The following NBEA variants were observed in gnomAD, a reference collection of about 807,000 sequenced individuals.
NBEA encodes neurobeachin.
NBEA carries 44 observed loss-of-function variants against 343.4 expected under a neutral mutation model. The observed-to-expected ratio is 0.13, with a 90% CI of 0.10 to 0.16. The LOEUF is 0.16. Ranked by LOEUF, NBEA falls within the 10% of genes least tolerant of loss-of-function variation. The probability of loss-of-function intolerance (pLI) is 1.00; values close to 1 mark genes in which losing one functional copy is unlikely to be tolerated. For missense variants in NBEA, 2,555 were observed against 3,631.3 expected (o/e 0.70, Z 7.62); for synonymous variants, 1,175 against 1,238.7 (o/e 0.95, Z 1.08).
intron 35 of NBEA, among the ~76,000 whole-genome samples, chr13:35,292,255 A>G (rs2035850228): frequency 6.6e-6 from 1 of 151,996 alleles, no homozygotes; most frequent in Non-Finnish European, 1.5e-5. Flanking sequence ...GTAAGGACAC[A>G]CATACCAAAA....
At chr13:35,574,380 C>CAAAAAAA (rs1313695369) in intron 45 of NBEA, among the ~76,000 whole-genome samples, 7 of 124,760 alleles carry the variant, frequency 5.6e-5, no homozygotes, top group Admixed American at 8.1e-5. Flanking sequence ...TATACACTAT[C>CAAAAAAA]AAAAAAAAAG....
chr13:35,064,456 A>G (rs1340822578), intron 8 of NBEA, among the ~76,000 whole-genome samples: 2 of 152,138 alleles, frequency 1.3e-5, no homozygotes, highest in African/African-American at 4.8e-5. Flanking sequence ...TACATAAAGA[A>G]CAGTCTCAGA....
chr13:35,649,556 G>A (rs1271601485), intron 51 of NBEA, 99 bp from the exon 52 acceptor site: 14 of 990,458 alleles, frequency 1.4e-5, no homozygotes, highest in South Asian at 4.6e-5. Flanking sequence ...GTGTGTGCTC[G>A]TGCTAGCCTT....
intron 11 of NBEA, among the ~76,000 whole-genome samples, chr13:35,108,012 T>C (rs1187956022): frequency 6.6e-6 from 1 of 152,156 alleles, no homozygotes; most frequent in East Asian, 1.9e-4. Context: ...GTGTGAAAAT[T>C]CATGAAGTGC....
At chr13:35,361,530 A>G (rs1056172699) in intron 38 of NBEA, among the ~76,000 whole-genome samples, 2 of 152,068 alleles carry the variant, frequency 1.3e-5, no homozygotes, top group Non-Finnish European at 2.9e-5. Flanking sequence ...ACCATATACA[A>G]AACTTAACTC....
At chr13:34,974,969 G>A (rs1158668545) in intron 1 of NBEA, among the ~76,000 whole-genome samples, 3 of 152,082 alleles carry the variant, frequency 2.0e-5, no homozygotes, top group African/African-American at 7.2e-5. Context: ...ATTTTTACCC[G>A]GTAGTAGCTC....
intron 24 of NBEA, among the ~76,000 whole-genome samples, chr13:35,166,334 A>G (rs936305124): frequency 5.9e-5 from 9 of 152,182 alleles, no homozygotes; most frequent in African/African-American, 1.9e-4. Flanking sequence ...TATAACATAC[A>G]TACTATTGCA....
chr13:35,572,952 A>G (rs2080511439), intron 45 of NBEA, among the ~76,000 whole-genome samples: 1 of 152,208 alleles, frequency 6.6e-6, no homozygotes, highest in South Asian at 2.1e-4. Context: ...AATATGAAGT[A>G]TGGGCAAAAC....
chr13:35,032,866 A>G (rs750534557), intron 1 of NBEA, among the ~76,000 whole-genome samples: 12 of 151,576 alleles, frequency 7.9e-5, no homozygotes, highest in South Asian at 2.1e-4. Context: ...ATATTTTCCT[A>G]TAGAGTTGCT....
At chr13:35,623,396 A>G (rs1261024162) in intron 48 of NBEA, among the ~76,000 whole-genome samples, 1 of 152,156 alleles carries the variant, frequency 6.6e-6, no homozygotes, top group Non-Finnish European at 1.5e-5. Flanking sequence ...TTAGATATTC[A>G]TTTAATTTTG....
At chr13:35,637,956 C>T (rs2083770717) in intron 49 of NBEA, among the ~76,000 whole-genome samples, 1 of 152,072 alleles carries the variant, frequency 6.6e-6, no homozygotes, top group African/African-American at 2.4e-5. Flanking sequence ...AATTCTGACA[C>T]ATGCTACAAC....
At chr13:35,651,503 A>G (rs892346008) in intron 52 of NBEA, among the ~76,000 whole-genome samples, 1 of 152,102 alleles carries the variant, frequency 6.6e-6, no homozygotes, top group Non-Finnish European at 1.5e-5. Flanking sequence ...TTGATTGCTC[A>G]TGACCTTAGC....
chr13:35,395,567 A>G (rs2042705768), intron 38 of NBEA, among the ~76,000 whole-genome samples: 1 of 152,106 alleles, frequency 6.6e-6, no homozygotes, highest in Non-Finnish European at 1.5e-5. Flanking sequence ...CAGTAGTGCA[A>G]GAATGGACTA....
At chr13:35,326,671 A>G (rs768923368) in intron 36 of NBEA, among the ~76,000 whole-genome samples, 1 of 151,950 alleles carries the variant, frequency 6.6e-6, no homozygotes, top group African/African-American at 2.4e-5. Flanking sequence ...TTCCAGTACT[A>G]TGTGGGATGG....
chr13:35,445,567 T>C (rs2045958545), intron 39 of NBEA, among the ~76,000 whole-genome samples: 1 of 151,772 alleles, frequency 6.6e-6, no homozygotes, highest in Non-Finnish European at 1.5e-5. Context: ...CTCCCACTTA[T>C]GAGGAAACTG....
chr13:35,530,344 T>A (rs1184928891), intron 41 of NBEA, among the ~76,000 whole-genome samples: 1 of 152,206 alleles, frequency 6.6e-6, no homozygotes, highest in Non-Finnish European at 1.5e-5. Flanking sequence ...GGCGGCGGCC[T>A]GTCCCCAGTG....
At chr13:35,454,968 A>G (rs187464853) in intron 40 of NBEA, among the ~76,000 whole-genome samples, 1 of 152,252 alleles carries the variant, frequency 6.6e-6, no homozygotes, top group Admixed American at 6.5e-5. Flanking sequence ...TCTCAGAAAT[A>G]TTATATAAAG....
At chr13:35,171,917 T>C (rs2070490882) in intron 26 of NBEA, among the ~76,000 whole-genome samples, 2 of 152,084 alleles carry the variant, frequency 1.3e-5, no homozygotes, top group Non-Finnish European at 2.9e-5. Flanking sequence ...ATAAATATTG[T>C]TATACCCATG....
At chr13:35,377,101 T>C (rs913937760) in intron 38 of NBEA, among the ~76,000 whole-genome samples, 2 of 152,150 alleles carry the variant, frequency 1.3e-5, no homozygotes, top group Admixed American at 6.5e-5. Flanking sequence ...TATTTGATGA[T>C]AGGTTGGTTA....
Sources: allele counts gnomAD v4.1 joint callset (sites outside exome capture counted in the v4.1 genomes callset), GRCh38; gene constraint gnomAD v4.1.1; transcripts MANE v1.5; gene names NCBI Gene and HGNC (gene_info 2026-07-23, HGNC 2026-07-21).